The following WDR44 variants were observed in gnomAD, a reference collection of about 807,000 sequenced individuals.
WDR44 encodes WD repeat-containing protein 44.
Under a neutral mutation model 65.7 loss-of-function variants are expected in WDR44, and 9 were observed. The ratio of observed to expected loss-of-function variants is 0.14; its 90% CI spans 0.08 to 0.24. The LOEUF (loss-of-function observed/expected upper bound fraction) is 0.24. Among genes scored for constraint, WDR44 ranks in the 10% least tolerant of loss-of-function variants. The pLI is 1.00. For missense variants in WDR44, 425 were observed against 670.9 expected, an observed-to-expected ratio of 0.63 and a Z score of 4.05; for synonymous variants, 220 against 235.2, an observed-to-expected ratio of 0.94 and a Z score of 0.59.
intron 8 of WDR44, among the ~76,000 whole-genome samples, chrX:118,402,571 G>T (rs2056928910): frequency 9.2e-6 from 1 of 108,608 alleles, no homozygotes; most frequent in African/African-American, 3.4e-5. Flanking sequence ...AACATGGCAG[G>T]ACCCCGTCTC....
At chrX:118,384,162 A>G (rs996926941) in intron 2 of WDR44, among the ~76,000 whole-genome samples, 2 of 110,696 alleles carry the variant, frequency 1.8e-5, no homozygotes, top group Non-Finnish European at 3.8e-5. Flanking sequence ...ATTAAAGCCT[A>G]TGTAAACTTA....
chrX:118,371,116 T>C (rs1427305979), intron 1 of WDR44, among the ~76,000 whole-genome samples: 1 of 111,617 alleles, frequency 9.0e-6, no homozygotes, highest in Non-Finnish European at 1.9e-5. Context: ...TGGAACACTA[T>C]TGAGCCTTAA....
At chrX:118,353,045 C>T (rs2056428410) in intron 1 of WDR44, among the ~76,000 whole-genome samples, 1 of 112,125 alleles carries the variant, frequency 8.9e-6, no homozygotes, top group Admixed American at 9.4e-5. Flanking sequence ...TGATATTTAG[C>T]TTGAATTGAT....
chrX:118,447,074 T>A (rs1206009518), intron 19 of WDR44: 2 of 320,083 alleles, frequency 6.2e-6, no homozygotes, highest in Non-Finnish European at 1.2e-5. Context: ...GAGTTCTCGT[T>A]ATGTTGCCCA....
At chrX:118,443,808 GCC>G in intron 18 of WDR44, 121 bp downstream of exon 18, 1 of 668,441 alleles carries the variant, frequency 1.5e-6, no homozygotes, top group Non-Finnish European at 2.1e-6. Context: ...ACTTTGGGAG[GCC>G]CATACGGGTG....
chrX:118,400,543 G>A (rs2056902546), intron 8 of WDR44, among the ~76,000 whole-genome samples: 1 of 111,815 alleles, frequency 8.9e-6, no homozygotes. Flanking sequence ...GTTATAGGTA[G>A]CAGAGACCTT....
chrX:118,393,464 C>T (rs936036452), intron 4 of WDR44, among the ~76,000 whole-genome samples, 193 bp downstream of exon 4: 18 of 110,768 alleles, frequency 1.6e-4, no homozygotes, highest in African/African-American at 4.6e-4. Flanking sequence ...TGGTGGCACG[C>T]GCCTGTAGTC....
At position 118,409,627 on chromosome X, in the gene WDR44, G is replaced by T; in HGVS notation, c.1672G>T (p.Gly558Ter). The T allele has an allele frequency of 8.5e-7, 1 of 1,176,500 alleles. No homozygotes were observed. Among genetic ancestry groups the T allele is most frequent in the Admixed American group, 2.6e-5 (1 of 38,750 alleles). ...NNMRMKYNTE[G>*]RVSPSPSQES... ...TATGCGAATGAAATACAATACTGAA[G>T]GTATTTTTCATCTATTTAAAAATCT... Residue 558 changes from glycine to a stop codon, truncating the protein, a stop_gained and splice_region_variant, in exon 11 of 20, where the codon GGA (glycine) becomes TGA (stop). Transcript: ENST00000254029. LOFTEE classifies it high-confidence loss of function.
intron 7 of WDR44, 142 bp from the exon 8 acceptor site, chrX:118,398,237 CTAAATAAA>C (rs1402406599): frequency 1.0e-5 from 4 of 397,157 alleles, no homozygotes; most frequent in South Asian, 1.2e-4. Context: ...ACTCCATCTC[CTAAATAAA>C]TAAATAAATA....
intron 12 of WDR44, among the ~76,000 whole-genome samples, chrX:118,424,339 A>ATATATATATATATATATG (rs762485693): frequency 0.019 from 1,589 of 84,997 alleles, 38 homozygotes; most frequent in African/African-American, 0.062. Context: ...ATATATATAT[A>ATATATATATATATATATG]TATATATATG....
intron 1 of WDR44, among the ~76,000 whole-genome samples, chrX:118,377,723 C>CT (rs1189608732): frequency 0.14 from 10,936 of 78,718 alleles, 746 homozygotes; most frequent in African/African-American, 0.19. Flanking sequence ...TCTTCTCTCT[C>CT]TTTTTTTTTT....
At chrX:118,418,207 G>C (rs886788524) in intron 12 of WDR44, among the ~76,000 whole-genome samples, 1 of 110,717 alleles carries the variant, frequency 9.0e-6, no homozygotes, top group African/African-American at 3.3e-5. Context: ...ATTTCTTATT[G>C]GTTTGGATGC....
chrX:118,386,839 T>C (rs2056771946), intron 2 of WDR44, among the ~76,000 whole-genome samples: 1 of 111,437 alleles, frequency 9.0e-6, no homozygotes, highest in Non-Finnish European at 1.9e-5. Flanking sequence ...GCAAATTACA[T>C]TGTCCCATTT....
intron 19 of WDR44, among the ~76,000 whole-genome samples, chrX:118,446,563 A>C (rs1488245063): frequency 8.9e-6 from 1 of 112,096 alleles, no homozygotes; most frequent in Non-Finnish European, 1.9e-5. Flanking sequence ...AAGTATTTGA[A>C]TGGTAAAAAG....
chrX:118,359,537 TAGATA>T (rs1407190789), intron 1 of WDR44, among the ~76,000 whole-genome samples: 1 of 112,237 alleles, frequency 8.9e-6, no homozygotes, highest in East Asian at 2.8e-4. Context: ...GTTGTCATTT[TAGATA>T]AGATATAATT....
rs201211635 is a variant in WDR44, at chrX:118,382,705, AG to A, written c.111+4259del. On this transcript the variant is annotated intron_variant, in intron 2 of 19. Transcript: ENST00000254029. ...CTGAAATCTTATAACCAAATACTGC[AG>A]GGGGGTTATAGACAGCTCTGTAATA... Among the ~76,000 whole-genome samples the A allele has an allele frequency of 3.5e-3, 388 of 111,893 alleles. 1 individual carries two copies. Among genetic ancestry groups the A allele is most frequent in the African/African-American group, 0.012 (369 of 30,850 alleles).
At chrX:118,386,285 A>G in intron 2 of WDR44, 1 of 308,744 alleles carries the variant, frequency 3.2e-6, no homozygotes, top group South Asian at 3.3e-5. Flanking sequence ...CTGTGCTTCT[A>G]TAAATAGACA....
intron 1 of WDR44, among the ~76,000 whole-genome samples, chrX:118,369,284 GC>G (rs1448687508): frequency 1.1e-3 from 106 of 93,932 alleles, no homozygotes; most frequent in Middle Eastern, 9.0e-3. Flanking sequence ...CCATTCTCCT[GC>G]CTCAGCCTCC....
chrX:118,358,306 A>G (rs968642647), intron 1 of WDR44, among the ~76,000 whole-genome samples: 25 of 112,404 alleles, frequency 2.2e-4, no homozygotes, highest in African/African-American at 8.1e-4. Context: ...AAAAAGCCAT[A>G]TGTCTTTCTT....
Sources: gnomAD v4.1 joint callset for allele counts (sites outside exome capture counted in the v4.1 genomes callset) on GRCh38, gnomAD v4.1.1 for gene constraint, MANE v1.5 for transcripts, NCBI Gene and HGNC (gene_info 2026-07-23, HGNC 2026-07-21) for gene names.